Variants in SNX18 observed in about 807,000 individuals in gnomAD.
SNX18 encodes the protein sorting nexin-18.
SNX18 carries 35 observed loss-of-function variants against 48.7 expected under a neutral mutation model. The observed-to-expected ratio is 0.72, with a 90% CI of 0.55 to 0.95. The LOEUF (loss-of-function observed/expected upper bound fraction) is 0.95. Among genes scored for constraint, SNX18 ranks in the 40% least tolerant of loss-of-function variants. SNX18 has a pLI of 0.00. For missense variants in SNX18, 824 were observed against 871.0 expected, an observed-to-expected ratio of 0.95 and a Z score of 0.68; for synonymous variants, 492 against 384.7, an observed-to-expected ratio of 1.28 and a Z score of -3.26.
chr5:54,573,555 A>T, the SNX18 span, among the ~76,000 whole-genome samples: 1 of 152,182 alleles, frequency 6.6e-6, no homozygotes, highest in Non-Finnish European at 1.5e-5. Flanking sequence ...TCTCAGGGGT[A>T]CAAATACCAT....
chr5:54,608,827 C>T, the SNX18 span, among the ~76,000 whole-genome samples: 1 of 152,214 alleles, frequency 6.6e-6, no homozygotes, highest in Non-Finnish European at 1.5e-5. Flanking sequence ...AATTCACACT[C>T]AGCCCTTGGT....
Position 54,518,423 on chromosome 5 carries a change from G to A in SNX18, c.471G>A (p.Glu157=), listed in dbSNP as rs1340624724. ...GCAGCGATGATGACTGGGACGACGA[G>A]TGGGACGACAGCTCCACGGTGGCGG... ...SQGSDDDWDD[E]WDDSSTVADE... is the part of the protein sequence containing the mutation. The change falls in exon 1 of 2, where the codon GAG becomes GAA. Residue 157 remains glutamate, a synonymous_variant. Coordinates refer to ENST00000381410, the MANE Select transcript of SNX18 (RefSeq NM_001102575.2). The A allele has an allele frequency of 1.9e-6, 3 of 1,583,814 alleles. No homozygotes were observed. The highest frequency in any genetic ancestry group is 2.6e-6 in the Non-Finnish European group (3 of 1,165,896).
At chr5:54,565,261 C>T in the SNX18 span, among the ~76,000 whole-genome samples, 2 of 152,196 alleles carry the variant, frequency 1.3e-5, no homozygotes, top group Non-Finnish European at 1.5e-5. Flanking sequence ...TATTCTGCCT[C>T]CCACTCACAG....
At chr5:54,563,478 A>G in the SNX18 span, among the ~76,000 whole-genome samples, 16 of 152,364 alleles carry the variant, frequency 1.1e-4, 1 homozygote, top group East Asian at 3.1e-3. Context: ...TTTGTAGCCT[A>G]GGAGCAATAG....
chr5:54,605,550 T>A, the SNX18 span, among the ~76,000 whole-genome samples: 1 of 152,182 alleles, frequency 6.6e-6, no homozygotes, highest in African/African-American at 2.4e-5. Context: ...AAAACAATGT[T>A]TTTTAAAAAG....
the SNX18 span, among the ~76,000 whole-genome samples, chr5:54,587,510 G>C: frequency 6.6e-6 from 1 of 152,104 alleles, no homozygotes; most frequent in South Asian, 2.1e-4. Flanking sequence ...CTAAAAACTT[G>C]TCAATAACTT....
At chr5:54,591,011 T>C in the SNX18 span, among the ~76,000 whole-genome samples, 3 of 151,938 alleles carry the variant, frequency 2.0e-5, no homozygotes, top group African/African-American at 4.8e-5. Context: ...CCATCCCCCC[T>C]CACTTCTCCT....
At chr5:54,616,303 T>G in the SNX18 span, among the ~76,000 whole-genome samples, 33 of 152,290 alleles carry the variant, frequency 2.2e-4, no homozygotes, top group East Asian at 6.4e-3. Flanking sequence ...TCGGGTCAGT[T>G]TTCAACACCC....
chr5:54,620,132 T>C, the SNX18 span, among the ~76,000 whole-genome samples: 3 of 152,120 alleles, frequency 2.0e-5, no homozygotes, highest in Non-Finnish European at 4.4e-5. Flanking sequence ...TAAAGAGCTC[T>C]GTCAGTTAAG....
chr5:54,634,723 T>C, the SNX18 span, among the ~76,000 whole-genome samples: 92 of 152,112 alleles, frequency 6.0e-4, no homozygotes, highest in Middle Eastern at 0.01. Context: ...AAATATGATG[T>C]TGAAATAGGG....
the SNX18 span, among the ~76,000 whole-genome samples, chr5:54,634,666 T>A: frequency 2.6e-5 from 4 of 152,034 alleles, no homozygotes; most frequent in Non-Finnish European, 5.9e-5. Flanking sequence ...CCCACTAAAA[T>A]CATTTCTGAG....
chr5:54,630,896 C>T, the SNX18 span, among the ~76,000 whole-genome samples: 1 of 151,260 alleles, frequency 6.6e-6, no homozygotes, highest in African/African-American at 2.4e-5. Context: ...GTGCAGGATG[C>T]AGAGCTCAGG....
chr5:54,634,805 C>A, the SNX18 span, among the ~76,000 whole-genome samples: 1 of 152,004 alleles, frequency 6.6e-6, no homozygotes, highest in Non-Finnish European at 1.5e-5. Context: ...TAAATATACA[C>A]CATTTTGGAA....
the SNX18 span, among the ~76,000 whole-genome samples, chr5:54,560,165 A>T: frequency 6.6e-6 from 1 of 152,244 alleles, no homozygotes; most frequent in East Asian, 1.9e-4. Context: ...TATCATAAAG[A>T]TACATGCACG....
rs1418064699 is a variant in SNX18 at position 54,544,134 on chromosome 5, T to C, written c.*702T>C. On this transcript the variant is annotated 3_prime_UTR_variant, in exon 2 of 2. Transcript: ENST00000381410. Reference sequence around the variant, plus strand: ...GTGAATGCAGGGGAGTGAGATTCATTGCTCATCTTTGGATATGAAGTCTGT... The same window carrying C: ...GTGAATGCAGGGGAGTGAGATTCATCGCTCATCTTTGGATATGAAGTCTGT... 1.3e-5 allele frequency: 2 copies of C among 152,212 alleles called. No individual in the cohort carries two copies. The highest frequency in any genetic ancestry group is 4.8e-5 in the African/African-American group (2 of 41,426). The allele number at this position is 152,212 out of a possible 1,614,324, so 9.4% of individuals were successfully genotyped here.
intron 1 of SNX18, among the ~76,000 whole-genome samples, chr5:54,524,718 A>T (rs1310750431): frequency 2.6e-5 from 4 of 152,254 alleles, no homozygotes; most frequent in African/African-American, 4.8e-5. Context: ...GTTTGACAAG[A>T]TTATATCCGG....
intron 1 of SNX18, among the ~76,000 whole-genome samples, chr5:54,531,426 T>G (rs1057290650): frequency 1.3e-5 from 2 of 152,136 alleles, no homozygotes; most frequent in African/African-American, 2.4e-5. Context: ...CCTTTTTCTT[T>G]TATTGTGTTT....
At chr5:54,613,592 G>A in the SNX18 span, among the ~76,000 whole-genome samples, 1 of 152,188 alleles carries the variant, frequency 6.6e-6, no homozygotes, top group Non-Finnish European at 1.5e-5. Flanking sequence ...AACCCAAGCA[G>A]GAATTTAAAT....
At chr5:54,550,587 G>A (rs1261290599), downstream of SNX18, among the ~76,000 whole-genome samples, 1 of 152,120 alleles carries the variant, frequency 6.6e-6, no homozygotes, top group Non-Finnish European at 1.5e-5. Flanking sequence ...TGCGGTAGAT[G>A]ATTATTATTA....
Sources: gnomAD v4.1 joint callset for allele counts (sites outside exome capture counted in the v4.1 genomes callset) on GRCh38, gnomAD v4.1.1 for gene constraint, MANE v1.5 for transcripts, NCBI Gene and HGNC (gene_info 2026-07-23, HGNC 2026-07-21) for gene names.